FRY: variants seen among roughly 807,000 people sequenced by gnomAD.
FRY encodes FRY microtubule binding protein.
FRY carries 128 observed loss-of-function variants against 348.4 expected under a neutral mutation model. The ratio of observed to expected loss-of-function variants is 0.37; its 90% CI spans 0.32 to 0.43. The LOEUF is 0.43. Ranked by LOEUF, FRY falls within the 20% of genes least tolerant of loss-of-function variation. The pLI, the probability that FRY is intolerant of heterozygous loss-of-function variation, is 1.00. For synonymous variants in FRY, 1,370 were observed against 1,374.7 expected, an observed-to-expected ratio of 1.00 and a Z score of 0.08; for missense variants, 2,736 against 3,695.2, an observed-to-expected ratio of 0.74 and a Z score of 6.73.
intron 2 of FRY, among the ~76,000 whole-genome samples, chr13:32,100,841 T>C (rs1877114584): frequency 6.6e-6 from 1 of 152,198 alleles, no homozygotes; most frequent in African/African-American, 2.4e-5. Context: ...CCGCTGCATC[T>C]TCACATGGCA....
rs576065007 is a variant in FRY, at chr13:32,239,231, A to G, written c.6419-21A>G. 4.3e-6 allele frequency: 6 copies of G among 1,404,462 alleles called. No homozygotes were observed. The highest frequency in any genetic ancestry group is 6.1e-6 in the Non-Finnish European group (6 of 989,192). 87.0% of individuals were successfully genotyped at this position (1,404,462 alleles called of 1,614,324 possible). The stretch of plus-strand genomic sequence containing the variant: ...AAATATACCATATTCAGCTATCTCC[A>G]TTGTATCTTCTCTAATCCAGGGTTT... On this transcript the variant is annotated intron_variant, in intron 44 of 60. Transcript: ENST00000542859. This position sits in a 1 kb window ranked among gnomAD's most constrained non-coding sequence, Gnocchi z 4.3.
chr13:32,276,200 T>C (rs1888527635), intron 56 of FRY, among the ~76,000 whole-genome samples: 1 of 152,212 alleles, frequency 6.6e-6, no homozygotes, highest in African/African-American at 2.4e-5. Flanking sequence ...GTGTGGGCCT[T>C]TATGAAATAC....
chr13:32,225,021 C>T lies in FRY; in HGVS notation c.5005C>T (p.His1669Tyr), dbSNP rs1046467083. 4.4e-6 allele frequency: 7 copies of T among 1,592,778 alleles called. No homozygotes were observed. The highest frequency in any genetic ancestry group is 1.3e-5 in the African/African-American group (1 of 74,536). The stretch of plus-strand genomic sequence containing the variant: ...GGCGCTTCATCTACCATTATTACTT[C>T]ATGCTGTCTTCTTAGGTAAGACTGG... ...DWALHLPLLL[H>Y]AVFLGLDHYR... is the part of the protein sequence containing the mutation. The change falls in exon 38 of 61, where the codon CAT (histidine) becomes TAT (tyrosine). Residue 1669 changes from histidine (H) to tyrosine (Y), a missense_variant. By Grantham distance (83) the His-to-Tyr change is moderately conservative. This residue lies in a region of FRY where 794 missense variants were observed against 977.0 expected (regional missense o/e 0.81). Coordinates refer to ENST00000542859, the MANE Select transcript of FRY (RefSeq NM_023037.3).
chr13:32,268,921 G>A (rs778711159), intron 55 of FRY, among the ~76,000 whole-genome samples: 18 of 152,146 alleles, frequency 1.2e-4, no homozygotes, highest in Non-Finnish European at 2.4e-4. Context: ...GAACTCCCAC[G>A]GATAATGCAA....
chr13:32,224,672 T>G (rs994330030), intron 37 of FRY, among the ~76,000 whole-genome samples: 38 of 152,236 alleles, frequency 2.5e-4, no homozygotes, highest in African/African-American at 8.0e-4. Context: ...GAGAGGGACC[T>G]TGTCTTTGAT....
intron 39 of FRY, 135 bp downstream of exon 39, chr13:32,226,109 C>T (rs1186106151): frequency 4.2e-6 from 3 of 717,408 alleles, no homozygotes; most frequent in Non-Finnish European, 7.5e-6. Context: ...ATCAACAGTA[C>T]AATAAATACA....
chr13:32,077,105 A>G (rs1875125963), intron 1 of FRY, among the ~76,000 whole-genome samples: 1 of 152,182 alleles, frequency 6.6e-6, no homozygotes, highest in South Asian at 2.1e-4. Flanking sequence ...CAGAAAAGAA[A>G]GAAGGAAGAA....
At position 32,212,307 on chromosome 13, in the gene FRY, G is replaced by A. The variant is rs751449784; in HGVS notation, c.4607G>A (p.Ser1536Asn). The A allele has an allele frequency of 6.2e-7, 1 of 1,605,540 alleles. No individual in the cohort carries two copies. The highest frequency in any genetic ancestry group is 8.5e-7 in the Non-Finnish European group (1 of 1,172,888). ...CCATCTACAGGAACCACCTCTAGCA[G>A]CAATACAGTGGTTGCTGGCCAGGAA... The part of the protein sequence containing the change: ...SAAASGTTSS[S>N]NTVVAGQENF... The change falls in exon 35 of 61, where the codon AGC becomes AAC. Residue 1536 changes from serine (S) to asparagine (N), a missense_variant. Physicochemically the swap from Ser to Asn is conservative, Grantham distance 46 (BLOSUM62 1). Around this residue, in one of 9 missense-constraint regions of FRY, gnomAD observed 794 missense variants for 977.0 expected, o/e 0.81. Coordinates refer to ENST00000542859, the MANE Select transcript of FRY (RefSeq NM_023037.3).
In FRY at chr13:32,289,620, T is replaced by G; in HGVS notation, c.8470-13T>G. 1 of 1,459,282 alleles carries G rather than the reference T, an allele frequency of 6.9e-7. No homozygotes were observed. The highest frequency in any genetic ancestry group is 1.1e-5 in the South Asian group (1 of 87,986). 90.4% of individuals were successfully genotyped at this position (1,459,282 alleles called of 1,614,324 possible). ...ACAATAACTGTTTCTTCCCATGCAA[T>G]TTCTCTCTTTAGCAATTGGAACTGT... On this transcript the variant is annotated splice_polypyrimidine_tract_variant and intron_variant, in intron 58 of 60. Coordinates refer to ENST00000542859, the MANE Select transcript of FRY (RefSeq NM_023037.3).
chr13:32,034,272 A>G (rs1566038893), intron 1 of FRY, among the ~76,000 whole-genome samples: 1 of 152,264 alleles, frequency 6.6e-6, no homozygotes, highest in East Asian at 1.9e-4. Context: ...AGCTTTCCAT[A>G]TTTTTTTAAA....
chr13:32,047,058 G>GCT (rs1873057412), intron 1 of FRY, among the ~76,000 whole-genome samples: 2 of 151,610 alleles, frequency 1.3e-5, no homozygotes, highest in Non-Finnish European at 2.9e-5. Context: ...TGTATATATA[G>GCT]AGAGAGAGAG....
In FRY at chr13:32,171,185, T is replaced by A; in HGVS notation, c.2066T>A (p.Leu689Gln). Residue 689 changes from leucine (L) to glutamine (Q), a missense_variant, in exon 18 of 61, where the codon CTG becomes CAG. This residue lies in a region of FRY where 449 missense variants were observed against 576.9 expected (regional missense o/e 0.78). Coordinates refer to ENST00000542859, the MANE Select transcript of FRY (RefSeq NM_023037.3). The stretch of plus-strand genomic sequence containing the variant: ...CTCCTTGATTCGTCCCTGAAGTTGC[T>A]GCTGCAGCTGCTCACCCAGTGGAAA... ...HTLLDSSLKL[L>Q]LQLLTQWKLV... 6.2e-7 allele frequency: 1 copy of A among 1,613,520 alleles called. No homozygotes were observed. Among genetic ancestry groups the A allele is most frequent in the Non-Finnish European group, 8.5e-7 (1 of 1,179,512 alleles).
At chr13:32,147,009 C>T (rs2138828323) in intron 11 of FRY, among the ~76,000 whole-genome samples, 1 of 152,244 alleles carries the variant, frequency 6.6e-6, no homozygotes, top group East Asian at 1.9e-4. Flanking sequence ...GAGAAGATAA[C>T]CTCTTGAGTA....
At chr13:32,192,377 A>G (rs1429112849) in intron 28 of FRY, among the ~76,000 whole-genome samples, 1 of 151,942 alleles carries the variant, frequency 6.6e-6, no homozygotes, top group Non-Finnish European at 1.5e-5. Flanking sequence ...CAGTGGCGCG[A>G]TCTCGGCTCA....
chr13:32,194,314 G>A lies in FRY; in HGVS notation c.3746+17G>A, dbSNP rs1352042970. On this transcript the variant is annotated intron_variant, in intron 29 of 60. Transcript: ENST00000542859. ...TGGAAGCAGGTACGAATTTTTATAA[G>A]CAGTGATGAGTGGCAAGTATGTTTA... The A allele has an allele frequency of 6.2e-7, 1 of 1,611,862 alleles. No homozygotes were observed. Among genetic ancestry groups the A allele is most frequent in the Admixed American group, 1.7e-5 (1 of 60,032 alleles).
chr13:32,282,331 A>G (rs972739641), intron 58 of FRY, among the ~76,000 whole-genome samples: 1 of 152,190 alleles, frequency 6.6e-6, no homozygotes, highest in African/African-American at 2.4e-5. Context: ...TAGAATGGGG[A>G]TAAGTGAACT....
intron 7 of FRY, 109 bp downstream of exon 7, chr13:32,124,984 T>G: frequency 1.2e-6 from 1 of 801,248 alleles, no homozygotes; most frequent in African/African-American, 1.7e-5. Context: ...TAGGTAGGGC[T>G]CTTTGCCATG....
At chr13:32,253,995 C>T (rs538128075) in intron 50 of FRY, among the ~76,000 whole-genome samples, 14 of 152,192 alleles carry the variant, frequency 9.2e-5, no homozygotes, top group South Asian at 2.1e-4. Context: ...TAAAAAGCAG[C>T]GACGTGATTC....
Position 32,247,434 on chromosome 13 carries a change from C to T in FRY, c.6940C>T (p.Arg2314Ter), listed in dbSNP as rs1886867166. Residue 2314 changes from arginine to a stop codon, truncating the protein, a stop_gained, in exon 48 of 61, where the codon CGA becomes TGA. Coordinates refer to ENST00000542859, the MANE Select transcript of FRY (RefSeq NM_023037.3). LOFTEE classifies it high-confidence loss of function. ...TGACCTCTCAAAAATAGAAATACAT[C>T]GAGTGTGGACTAGTGCTTCCAAGGA... ...HSDLSKIEIH[R>*]VWTSASKELP... 6.2e-7 allele frequency: 1 copy of T among 1,613,034 alleles called. No individual in the cohort carries two copies. The highest frequency in any genetic ancestry group is 8.5e-7 in the Non-Finnish European group (1 of 1,179,040).
Sources: allele counts gnomAD v4.1 joint callset (sites outside exome capture counted in the v4.1 genomes callset), GRCh38; gene constraint gnomAD v4.1.1; regional missense constraint gnomAD v4.1.1; non-coding constraint Gnocchi (gnomAD v3.1); transcripts MANE v1.5; gene names NCBI Gene and HGNC (gene_info 2026-07-23, HGNC 2026-07-21).